The following FBLN5 variants were observed in gnomAD, a reference collection of about 807,000 sequenced individuals.
The protein encoded by FBLN5 is fibulin 5, also known as fibulin-5.
In FBLN5, 24 loss-of-function variants were observed where a neutral mutation model predicts 61.6. The ratio of observed to expected loss-of-function variants is 0.39; its 90% CI spans 0.28 to 0.55. FBLN5 has a LOEUF of 0.55. FBLN5 is among the 20% of genes least tolerant of loss of function. The probability of loss-of-function intolerance (pLI) is 0.65; values close to 1 mark genes in which losing one functional copy is unlikely to be tolerated. For synonymous variants in FBLN5, 213 were observed against 219.8 expected (o/e 0.97, Z 0.27); for missense variants, 470 against 594.1 (o/e 0.79, Z 2.17).
At chr14:91,883,759 T>C (rs1889595547) in intron 7 of FBLN5, among the ~76,000 whole-genome samples, 1 of 152,070 alleles carries the variant, frequency 6.6e-6, no homozygotes, top group Admixed American at 6.5e-5. Context: ...ATTTTTCTCT[T>C]TGTGGCTCGC....
At chr14:91,908,492 G>C (rs192665710) in intron 4 of FBLN5, among the ~76,000 whole-genome samples, 19 of 152,298 alleles carry the variant, frequency 1.2e-4, no homozygotes, top group African/African-American at 4.3e-4. Context: ...GTCAGGATAC[G>C]AACTCAAGGC....
At chr14:91,888,366 A>T (rs1364907981) in intron 6 of FBLN5, among the ~76,000 whole-genome samples, 1 of 151,992 alleles carries the variant, frequency 6.6e-6, no homozygotes, top group Non-Finnish European at 1.5e-5. Flanking sequence ...GCACTTTGGG[A>T]GGCCAAGGCA....
At chr14:91,939,928 G>A (rs759227820) in intron 3 of FBLN5, 26 of 453,782 alleles carry the variant, frequency 5.7e-5, no homozygotes, top group Non-Finnish European at 1.1e-4. Context: ...AGAAGAAGAA[G>A]AGGCTGATTG....
intron 7 of FBLN5, among the ~76,000 whole-genome samples, chr14:91,886,948 G>A (rs1889753570): frequency 6.6e-6 from 1 of 152,132 alleles, no homozygotes; most frequent in Non-Finnish European, 1.5e-5. Context: ...CTCTGTCCTA[G>A]AAGGTAGCCC....
At chr14:91,889,995 A>G (rs1355479005) in intron 6 of FBLN5, among the ~76,000 whole-genome samples, 2 of 152,216 alleles carry the variant, frequency 1.3e-5, no homozygotes, top group African/African-American at 4.8e-5. Context: ...AGAAGCCTGC[A>G]TCTGCCCTAA....
chr14:91,943,433 A>C lies in FBLN5; in HGVS notation c.18-472T>G, dbSNP rs918207825. On this transcript the variant is annotated intron_variant, in intron 1 of 10. Transcript: ENST00000342058. The surrounding 1 kb of genome is among the most constrained non-coding windows in gnomAD (Gnocchi z 4.0). ...GGCTGAGGTGGGATCACCTGAGCCC[A>C]GGGGGTTTGAGGCTGCAGTGAGCTG... 9.2e-5 allele frequency among the ~76,000 whole-genome samples: 14 copies of C among 151,992 alleles called. No homozygotes were observed. Among genetic ancestry groups the C allele is most frequent in the African/African-American group, 3.1e-4 (13 of 41,392 alleles).
chr14:91,897,301 GA>G (rs1890266842), intron 4 of FBLN5, among the ~76,000 whole-genome samples: 1 of 152,120 alleles, frequency 6.6e-6, no homozygotes, highest in Non-Finnish European at 1.5e-5. Context: ...GGGAGCTGGT[GA>G]ATAATGCTTG....
intron 7 of FBLN5, among the ~76,000 whole-genome samples, chr14:91,883,787 T>A (rs1342444820): frequency 6.6e-6 from 1 of 152,132 alleles, no homozygotes; most frequent in African/African-American, 2.4e-5. Context: ...GGATCCTCCC[T>A]GGGACAATGG....
intron 1 of FBLN5, among the ~76,000 whole-genome samples, chr14:91,946,097 G>A (rs2056179208): frequency 7.2e-6 from 1 of 137,948 alleles, no homozygotes; most frequent in African/African-American, 2.8e-5. Context: ...CCTACTCCCC[G>A]CAGCCCCATT....
At position 91,898,556 on chromosome 14, in the gene FBLN5, A is replaced by C. The variant is rs77109944; in HGVS notation, c.380-3484T>G. Among the ~76,000 whole-genome samples the C allele has an allele frequency of 2.8e-3, 420 of 152,192 alleles. 3 individuals carry two copies. Among genetic ancestry groups the C allele is most frequent in the African/African-American group, 9.2e-3 (381 of 41,496 alleles). ...CTTACATTAAATACATTTGACTTAA[A>C]TCACAGAAGGAAAAATACATTGAAT... On this transcript the variant is annotated intron_variant, in intron 4 of 10. Transcript: ENST00000342058.
intron 9 of FBLN5, among the ~76,000 whole-genome samples, chr14:91,879,239 G>A (rs969948701): frequency 6.6e-6 from 1 of 152,346 alleles, no homozygotes; most frequent in Non-Finnish European, 1.5e-5. Flanking sequence ...GCTGGGAGAG[G>A]TGGCATCTGA....
In FBLN5 at chr14:91,887,287, G is replaced by C; in HGVS notation, c.645C>G (p.Asn215Lys). Residue 215 changes from asparagine (N) to lysine (K), a missense_variant, in exon 7 of 11, where the codon AAC becomes AAG. Coordinates refer to ENST00000342058, the MANE Select transcript of FBLN5 (RefSeq NM_006329.4). ...CQDVNECATE[N>K]PCVQTCVNTY... ...TGTTGACGCAGGTTTGCACGCAGGGGTTCTCGGTGGCACACTCGTTCACAT... is the reference window on the plus strand; with the variant it reads ...TGTTGACGCAGGTTTGCACGCAGGGCTTCTCGGTGGCACACTCGTTCACAT... 6.2e-7 allele frequency: 1 copy of C among 1,613,532 alleles called. No individual in the cohort carries two copies. Among genetic ancestry groups the C allele is most frequent in the Non-Finnish European group, 8.5e-7 (1 of 1,179,826 alleles).
At chr14:91,889,952 G>A (rs886864456) in intron 6 of FBLN5, among the ~76,000 whole-genome samples, 5 of 152,186 alleles carry the variant, frequency 3.3e-5, no homozygotes, top group Non-Finnish European at 7.4e-5. Flanking sequence ...GCCAGCCTGT[G>A]GCTGGCACCT....
At chr14:91,923,994 A>G (rs1243618261) in intron 4 of FBLN5, among the ~76,000 whole-genome samples, 1 of 152,188 alleles carries the variant, frequency 6.6e-6, no homozygotes, top group African/African-American at 2.4e-5. Flanking sequence ...TTTGGGTTTC[A>G]TATTTCCTGC....
intron 4 of FBLN5, among the ~76,000 whole-genome samples, chr14:91,900,732 G>A (rs1252374300): frequency 1.3e-5 from 2 of 152,308 alleles, no homozygotes; most frequent in Middle Eastern, 3.4e-3. Context: ...AGCCTGCCTC[G>A]TAGGTAGATG....
chr14:91,943,740 C>T lies in FBLN5; in HGVS notation c.18-779G>A, dbSNP rs1406057544. On this transcript the variant is annotated intron_variant, in intron 1 of 10. Coordinates refer to ENST00000342058, the MANE Select transcript of FBLN5 (RefSeq NM_006329.4). The surrounding 1 kb of genome is among the most constrained non-coding windows in gnomAD (Gnocchi z 4.0). ...GTCACAGGAAGTCACTGAACCAGAG[C>T]ATTGAGTCCACATGTGTGAAAATCC... Among the ~76,000 whole-genome samples the T allele has an allele frequency of 6.6e-6, 1 of 152,170 alleles. No homozygotes were observed. Among genetic ancestry groups the T allele is most frequent in the African/African-American group, 2.4e-5 (1 of 41,424 alleles).
chr14:91,913,496 T>A (rs1375155824), intron 4 of FBLN5, among the ~76,000 whole-genome samples: 1 of 152,222 alleles, frequency 6.6e-6, no homozygotes. Flanking sequence ...ACCCACTCAG[T>A]GCCTGTTTTC....
chr14:91,918,693 C>T (rs761824012), intron 4 of FBLN5, among the ~76,000 whole-genome samples: 3 of 152,200 alleles, frequency 2.0e-5, no homozygotes, highest in Non-Finnish European at 4.4e-5. Flanking sequence ...TGTTTTCTAA[C>T]AACCTCATCT....
chr14:91,895,101 T>C lies in FBLN5; in HGVS notation c.380-29A>G, dbSNP rs1403307867. The C allele has an allele frequency of 1.9e-6, 3 of 1,613,252 alleles. No homozygotes were observed. The African/African-American group carries it at 4.0e-5, about 22-fold the overall frequency. ...TAATACAGACATAGTCCAAAGAATG[T>C]CACTCACATCCATCTAGAGCCCTGG... On this transcript the variant is annotated intron_variant, in intron 4 of 10. Transcript: ENST00000342058.
Sources: allele counts gnomAD v4.1 joint callset (sites outside exome capture counted in the v4.1 genomes callset), GRCh38; gene constraint gnomAD v4.1.1; non-coding constraint Gnocchi (gnomAD v3.1); transcripts MANE v1.5; gene names NCBI Gene and HGNC (gene_info 2026-07-23, HGNC 2026-07-21).